NFATC1: variants seen among roughly 807,000 people sequenced by gnomAD.
The protein encoded by NFATC1 is nuclear factor of activated T-cells, cytoplasmic 1.
In NFATC1, 22 loss-of-function variants were observed where a neutral mutation model predicts 76.0. The observed-to-expected ratio is 0.29, with a 90% CI of 0.21 to 0.41. The LOEUF is 0.41. Among genes scored for constraint, NFATC1 ranks in the 10% least tolerant of loss-of-function variants. NFATC1 has a pLI of 1.00. For synonymous variants in NFATC1, 704 were observed against 613.1 expected (o/e 1.15, Z -2.19); for missense variants, 1,357 against 1,337.7 (o/e 1.01, Z -0.23).
chr18:79,455,414 C>G (rs978487750), intron 6 of NFATC1, among the ~76,000 whole-genome samples: 2 of 152,168 alleles, frequency 1.3e-5, no homozygotes, highest in Non-Finnish European at 2.9e-5. Flanking sequence ...CAGGGCCCCT[C>G]TACGTGGCCT....
At chr18:79,430,887 C>T (rs34858889) in intron 2 of NFATC1, among the ~76,000 whole-genome samples, 4,449 of 152,296 alleles carry the variant, frequency 0.029, 92 homozygotes, top group Middle Eastern at 0.058. Context: ...CACAGCTGGC[C>T]GCGAGCTCTG....
intron 8 of NFATC1, among the ~76,000 whole-genome samples, chr18:79,473,162 G>A (rs369783856): frequency 5.3e-5 from 8 of 152,250 alleles, no homozygotes; most frequent in Admixed American, 1.3e-4. Context: ...GCTCCAGGTC[G>A]CCACAGGGGT....
In NFATC1 at chr18:79,486,472, C is replaced by G. The variant is rs761606907; in HGVS notation, c.2317C>G (p.Pro773Ala). The G allele has an allele frequency of 1.2e-6, 2 of 1,609,408 alleles. No homozygotes were observed. The highest frequency in any genetic ancestry group is 1.7e-6 in the Non-Finnish European group (2 of 1,179,802). Residue 773 changes from proline (P) to alanine (A), a missense_variant, in exon 9 of 10, where the codon CCC becomes GCC. This residue lies in a region of NFATC1 where 424 missense variants were observed against 395.4 expected (regional missense o/e 1.07). Transcript: ENST00000427363. ...GAGCCCCAAGCTCCACGACCTTTCT[C>G]CCGCTGCCTACACCAAGGGCGTTGC... ...GVSPKLHDLS[P>A]AAYTKGVASP...
intron 7 of NFATC1, among the ~76,000 whole-genome samples, chr18:79,462,724 A>G (rs1405240110): frequency 6.6e-6 from 1 of 151,536 alleles, no homozygotes; most frequent in African/African-American, 2.5e-5. Flanking sequence ...CACATGGCTC[A>G]CAAGGGAGTT....
chr18:79,464,551 C>T (rs2088332959), intron 7 of NFATC1, among the ~76,000 whole-genome samples: 1 of 151,436 alleles, frequency 6.6e-6, no homozygotes, highest in South Asian at 2.1e-4. Flanking sequence ...CCACTGCTGG[C>T]ATTGGGCATG....
intron 2 of NFATC1, among the ~76,000 whole-genome samples, chr18:79,416,362 T>A (rs929581053): frequency 1.3e-5 from 2 of 152,184 alleles, no homozygotes; most frequent in African/African-American, 4.8e-5. Context: ...CCTTTGCTCT[T>A]GTGGCTCTGG....
chr18:79,402,540 C>G (rs1324962234), intron 1 of NFATC1, among the ~76,000 whole-genome samples: 1 of 152,222 alleles, frequency 6.6e-6, no homozygotes, highest in Non-Finnish European at 1.5e-5. Context: ...GCTGCTGGCT[C>G]TCCAGGCGGC....
At chr18:79,455,323 C>T (rs185730065) in intron 6 of NFATC1, among the ~76,000 whole-genome samples, 2 of 152,194 alleles carry the variant, frequency 1.3e-5, no homozygotes, top group South Asian at 2.1e-4. Context: ...GCACGGGTCT[C>T]GTCAGTGGTC....
At chr18:79,454,442 G>A (rs1170591479) in intron 6 of NFATC1, among the ~76,000 whole-genome samples, 3 of 152,238 alleles carry the variant, frequency 2.0e-5, no homozygotes, top group African/African-American at 7.2e-5. Flanking sequence ...AGAAGCTGGT[G>A]TTGGCCTCAT....
At chr18:79,467,918 C>A in intron 8 of NFATC1, 1 of 1,110,084 alleles carries the variant, frequency 9.0e-7, no homozygotes, top group Non-Finnish European at 1.1e-6. Flanking sequence ...GCATTTGCAC[C>A]CTAAAGCTGC....
intron 9 of NFATC1, among the ~76,000 whole-genome samples, chr18:79,508,752 TC>T (rs2090175927): frequency 6.6e-6 from 1 of 151,648 alleles, no homozygotes; most frequent in Non-Finnish European, 1.5e-5. Context: ...TCTCTCCGTC[TC>T]CCTCCCTTCC....
chr18:79,489,078 C>T (rs1361125007), intron 9 of NFATC1, among the ~76,000 whole-genome samples: 1 of 152,238 alleles, frequency 6.6e-6, no homozygotes, highest in Non-Finnish European at 1.5e-5. Context: ...CAGCCCGTTA[C>T]TGCCAAAGCC....
At chr18:79,427,205 G>C (rs2086372606) in intron 2 of NFATC1, among the ~76,000 whole-genome samples, 1 of 152,218 alleles carries the variant, frequency 6.6e-6, no homozygotes, top group African/African-American at 2.4e-5. Flanking sequence ...TTCACGTAAA[G>C]TTTTCAAGAC....
intron 2 of NFATC1, 53 bp downstream of exon 2, chr18:79,411,554 G>A: frequency 7.8e-7 from 1 of 1,284,240 alleles, no homozygotes. Context: ...CGCGGGGCGG[G>A]GCGGAACGCG....
intron 8 of NFATC1, among the ~76,000 whole-genome samples, chr18:79,481,255 G>T (rs1371093720): frequency 2.0e-5 from 3 of 152,220 alleles, no homozygotes; most frequent in Non-Finnish European, 4.4e-5. Context: ...AGCTGCGTCC[G>T]CAGAGCTGGG....
intron 2 of NFATC1, among the ~76,000 whole-genome samples, chr18:79,424,946 CCT>C (rs1438109800): frequency 4.2e-4 from 50 of 119,478 alleles, no homozygotes; most frequent in African/African-American, 1.5e-3. Context: ...TCTGTCTCTG[CCT>C]CTCTGTGTCT....
chr18:79,486,454 A>G lies in NFATC1; in HGVS notation c.2299A>G (p.Lys767Glu). ...LMPAAPGVSP[K>E]LHDLSPAAYT... is the part of the protein sequence containing the mutation. ...GCCAGCGGCCCCTGGCGTGAGCCCCAAGCTCCACGACCTTTCTCCCGCTGC... is the reference window on the plus strand; with the variant it reads ...GCCAGCGGCCCCTGGCGTGAGCCCCGAGCTCCACGACCTTTCTCCCGCTGC... Residue 767 changes from lysine to glutamate, a missense_variant, in exon 9 of 10, where the codon AAG (lysine) becomes GAG (glutamate). Lys to Glu is a moderately conservative substitution (Grantham distance 56). Around this residue, in one of 3 missense-constraint regions of NFATC1, gnomAD observed 424 missense variants for 395.4 expected, o/e 1.07. Coordinates refer to ENST00000427363, the MANE Select transcript of NFATC1 (RefSeq NM_001278669.2). The G allele has an allele frequency of 6.2e-7, 1 of 1,611,010 alleles. No homozygotes were observed. The highest frequency in any genetic ancestry group is 8.5e-7 in the Non-Finnish European group (1 of 1,179,810).
chr18:79,527,400 A>C, intron 9 of NFATC1, 128 bp from the exon 10 acceptor site: 1 of 734,194 alleles, frequency 1.4e-6, no homozygotes. Flanking sequence ...CCGAGGAGGA[A>C]ATGTGGGTTC....
At chr18:79,477,907 C>T (rs1244026732) in intron 8 of NFATC1, among the ~76,000 whole-genome samples, 1 of 152,176 alleles carries the variant, frequency 6.6e-6, no homozygotes, top group Non-Finnish European at 1.5e-5. Context: ...GATCAGGGCC[C>T]CACCCTGATG....
Sources: gnomAD v4.1 joint callset for allele counts (sites outside exome capture counted in the v4.1 genomes callset) on GRCh38, gnomAD v4.1.1 for gene constraint, gnomAD v4.1.1 regional missense constraint, MANE v1.5 for transcripts, NCBI Gene and HGNC (gene_info 2026-07-23, HGNC 2026-07-21) for gene names.